PLEKHA7: variants seen among roughly 807,000 people sequenced by gnomAD.
PLEKHA7 encodes pleckstrin homology domain-containing family A member 7.
Under a neutral mutation model 170.0 loss-of-function variants are expected in PLEKHA7, and 104 were observed. That is an observed-to-expected ratio of 0.61 (90% CI 0.52 to 0.72). PLEKHA7 has a LOEUF of 0.72. Among genes scored for constraint, PLEKHA7 ranks in the 30% least tolerant of loss-of-function variants. PLEKHA7 has a pLI of 0.00. For synonymous variants in PLEKHA7, 648 were observed against 660.8 expected (o/e 0.98, Z 0.30); for missense variants, 1,615 against 1,671.7 (o/e 0.97, Z 0.59).
At chr11:16,963,087 G>C (rs1862164716) in intron 3 of PLEKHA7, among the ~76,000 whole-genome samples, 1 of 152,198 alleles carries the variant, frequency 6.6e-6, no homozygotes, top group African/African-American at 2.4e-5. Context: ...CTTGACCCAG[G>C]ATGTATCACG....
intron 3 of PLEKHA7, among the ~76,000 whole-genome samples, chr11:16,996,861 G>A (rs939850581): frequency 1.3e-5 from 2 of 152,096 alleles, no homozygotes; most frequent in African/African-American, 4.8e-5. Flanking sequence ...GCGTGAACCT[G>A]GGAGGCAGAG....
At position 16,791,708 on chromosome 11, in the gene PLEKHA7, T is replaced by TG; in HGVS notation, c.2746-510dup. 4.4e-6 allele frequency: 2 copies of TG among 457,324 alleles called. No homozygotes were observed. Among genetic ancestry groups the TG allele is most frequent in the Middle Eastern group, 3.2e-4 (1 of 3,078 alleles). The allele number at this position is 457,324 out of a possible 1,614,324, so 28.3% of individuals were successfully genotyped here. A position where few individuals can be genotyped will look rare whatever the true frequency, so the allele number is the denominator to read the frequency against. On this transcript the variant is annotated intron_variant, in intron 19 of 26. Transcript: ENST00000531066. This position sits in a 1 kb window ranked among gnomAD's most constrained non-coding sequence, Gnocchi z 4.5. ...AACAAGGACAGAGTCTACATCCTCCTGGCCTTTCTATCAGAAATGTGCATG... is the reference window on the plus strand; with the variant it reads ...AACAAGGACAGAGTCTACATCCTCCTGGGCCTTTCTATCAGAAATGTGCATG...
chr11:16,954,884 G>A (rs982395767), intron 3 of PLEKHA7, among the ~76,000 whole-genome samples: 7 of 151,860 alleles, frequency 4.6e-5, no homozygotes, highest in African/African-American at 1.7e-4. Flanking sequence ...TAGAGACGGG[G>A]TTTCACTATG....
intron 4 of PLEKHA7, among the ~76,000 whole-genome samples, chr11:16,860,438 T>C (rs984929153): frequency 6.6e-6 from 1 of 152,128 alleles, no homozygotes; most frequent in African/African-American, 2.4e-5. Flanking sequence ...CAGAGCAAGA[T>C]GTCTATGATG....
chr11:16,903,983 C>CATTCCTGCTGTACA (rs1565095784), intron 3 of PLEKHA7, among the ~76,000 whole-genome samples: 1 of 152,180 alleles, frequency 6.6e-6, no homozygotes, highest in African/African-American at 2.4e-5. Context: ...GCCTGCTCTA[C>CATTCCTGCTGTACA]ATTCCTGCTG....
At chr11:16,856,709 C>G (rs944865441) in intron 4 of PLEKHA7, among the ~76,000 whole-genome samples, 1 of 152,300 alleles carries the variant, frequency 6.6e-6, no homozygotes, top group East Asian at 1.9e-4. Flanking sequence ...CCACAGATCC[C>G]CAGCATTTGC....
chr11:16,951,623 T>C (rs1421551357), intron 3 of PLEKHA7, among the ~76,000 whole-genome samples: 1 of 152,148 alleles, frequency 6.6e-6, no homozygotes, highest in East Asian at 1.9e-4. Context: ...ATCATCTAGG[T>C]AAGCTATGTA....
At chr11:16,959,807 A>G (rs773309671) in intron 3 of PLEKHA7, among the ~76,000 whole-genome samples, 2 of 152,174 alleles carry the variant, frequency 1.3e-5, no homozygotes, top group African/African-American at 4.8e-5. Context: ...AAGCTCTCCC[A>G]TAAAACCTGC....
intron 16 of PLEKHA7, 62 bp downstream of exon 16, chr11:16,801,606 G>T: frequency 6.3e-7 from 1 of 1,594,892 alleles, no homozygotes; most frequent in Non-Finnish European, 8.6e-7. Flanking sequence ...CTTGGGAGGG[G>T]AGAAAAGCAG....
At chr11:16,779,259 C>T (rs533233253) in intron 26 of PLEKHA7, among the ~76,000 whole-genome samples, 5 of 152,320 alleles carry the variant, frequency 3.3e-5, no homozygotes, top group East Asian at 1.9e-4. Context: ...GTCCCCATCC[C>T]GACAGGGCAA....
intron 3 of PLEKHA7, among the ~76,000 whole-genome samples, chr11:16,910,915 T>C (rs1256691686): frequency 1.3e-5 from 2 of 152,238 alleles, no homozygotes; most frequent in African/African-American, 4.8e-5. Flanking sequence ...AGCTGTAATC[T>C]ACTGTGTGAT....
At chr11:16,814,385 C>T (rs1354547451) in intron 12 of PLEKHA7, among the ~76,000 whole-genome samples, 1 of 152,226 alleles carries the variant, frequency 6.6e-6, no homozygotes, top group Non-Finnish European at 1.5e-5. Context: ...AGTCCTGTCA[C>T]CTTCCTCATC....
intron 17 of PLEKHA7, among the ~76,000 whole-genome samples, chr11:16,796,896 G>A (rs1030489147): frequency 2.0e-5 from 3 of 152,034 alleles, no homozygotes; most frequent in Admixed American, 6.5e-5. Flanking sequence ...TTGAACTCCC[G>A]GCTCCAAGTG....
intron 26 of PLEKHA7, among the ~76,000 whole-genome samples, chr11:16,779,978 GGA>G (rs375988865): frequency 5.0e-4 from 34 of 68,206 alleles, no homozygotes; most frequent in Admixed American, 2.4e-3. Context: ...TCTAAAACGG[GGA>G]GGGGGGGGGG....
In PLEKHA7 at chr11:16,925,468, G is replaced by C. The variant is rs145635183; in HGVS notation, c.222-54286C>G. Among the ~76,000 whole-genome samples the C allele has an allele frequency of 2.2e-3, 341 of 152,248 alleles. 2 individuals are homozygous for C. Among genetic ancestry groups the C allele is most frequent in the African/African-American group, 7.8e-3 (326 of 41,534 alleles). Reference sequence around the variant, plus strand: ...CCCCCAAAAGGAGCCCGTGCACCCTGCGCCCTGTCGGCTCGACAACCCGCA... The same window carrying C: ...CCCCCAAAAGGAGCCCGTGCACCCTCCGCCCTGTCGGCTCGACAACCCGCA... On this transcript the variant is annotated intron_variant, in intron 3 of 26. Transcript: ENST00000531066.
intron 26 of PLEKHA7, among the ~76,000 whole-genome samples, chr11:16,781,504 G>A (rs1053089464): frequency 6.6e-6 from 1 of 152,148 alleles, no homozygotes; most frequent in Admixed American, 6.5e-5. Flanking sequence ...CTGCTAAGAT[G>A]AACCCCTGGG....
At chr11:16,804,201 C>A (rs1375870801) in intron 13 of PLEKHA7, among the ~76,000 whole-genome samples, 1 of 152,178 alleles carries the variant, frequency 6.6e-6, no homozygotes, top group Non-Finnish European at 1.5e-5. Context: ...AGAACCAAGT[C>A]TATTTTGCCT....
chr11:16,959,840 C>A (rs1178509971), intron 3 of PLEKHA7, among the ~76,000 whole-genome samples: 1 of 152,182 alleles, frequency 6.6e-6, no homozygotes. Flanking sequence ...TTGCGGGCTC[C>A]CCTCAGCAGC....
chr11:16,816,654 G>T, intron 11 of PLEKHA7, 146 bp downstream of exon 11: 1 of 996,472 alleles, frequency 1.0e-6, no homozygotes, highest in Non-Finnish European at 1.5e-6. Context: ...CTTGGGAACT[G>T]TGCCTGGCAT....
Sources: allele counts gnomAD v4.1 joint callset (sites outside exome capture counted in the v4.1 genomes callset), GRCh38; gene constraint gnomAD v4.1.1; non-coding constraint Gnocchi (gnomAD v3.1); transcripts MANE v1.5; gene names NCBI Gene and HGNC (gene_info 2026-07-23, HGNC 2026-07-21).